PCCA: variants seen among roughly 807,000 people sequenced by gnomAD.
PCCA encodes the protein propionyl-CoA carboxylase alpha chain, mitochondrial.
In PCCA, 74 loss-of-function variants were observed where a neutral mutation model predicts 101.3. The observed-to-expected ratio is 0.73, with a 90% CI of 0.61 to 0.89. The LOEUF (loss-of-function observed/expected upper bound fraction) is 0.89. Among genes scored for constraint, PCCA ranks in the 40% least tolerant of loss-of-function variants. The pLI, the probability that PCCA is intolerant of heterozygous loss-of-function variation, is 0.00. For synonymous variants in PCCA, 294 were observed against 313.6 expected, an observed-to-expected ratio of 0.94 and a Z score of 0.66; for missense variants, 891 against 907.0, an observed-to-expected ratio of 0.98 and a Z score of 0.23.
intron 8 of PCCA, among the ~76,000 whole-genome samples, chr13:100,248,426 A>T (rs1173197602): frequency 6.6e-6 from 1 of 152,132 alleles, no homozygotes; most frequent in East Asian, 1.9e-4. Context: ...ACTTGGAGAC[A>T]TTCCTTCAGG....
chr13:100,149,618 A>G (rs1037078344), intron 4 of PCCA: 3 of 152,226 alleles, frequency 2.0e-5, no homozygotes, highest in Admixed American at 6.5e-5. Context: ...GAGTGCATCT[A>G]GTCCGTATTA....
At chr13:100,247,509 C>T (rs1225878859) in intron 8 of PCCA, among the ~76,000 whole-genome samples, 2 of 127,674 alleles carry the variant, frequency 1.6e-5, no homozygotes, top group Non-Finnish European at 3.2e-5. Flanking sequence ...AGCCACCGTG[C>T]CCGGCCTTTT....
intron 21 of PCCA, among the ~76,000 whole-genome samples, chr13:100,510,550 G>C (rs1050614610): frequency 1.3e-5 from 2 of 152,214 alleles, no homozygotes; most frequent in African/African-American, 4.8e-5. Context: ...CTGGGAGATT[G>C]AAGAAAATAG....
chr13:100,445,396 CAT>C (rs76612163), intron 20 of PCCA, among the ~76,000 whole-genome samples: 62,186 of 151,868 alleles, frequency 0.41, 13,120 homozygotes, highest in Non-Finnish European at 0.44. Context: ...AGCTAATTAA[CAT>C]ATATGTATTA....
intron 19 of PCCA, among the ~76,000 whole-genome samples, chr13:100,391,423 A>G (rs1413669600): frequency 1.3e-5 from 2 of 152,136 alleles, no homozygotes; most frequent in Non-Finnish European, 2.9e-5. Flanking sequence ...AGTACGTGGA[A>G]TGTTGTTGAG....
intron 2 of PCCA, among the ~76,000 whole-genome samples, chr13:100,103,684 G>GGAGTAT (rs2047489289): frequency 6.6e-6 from 1 of 151,778 alleles, no homozygotes; most frequent in Non-Finnish European, 1.5e-5. Flanking sequence ...TGCCCAGGCT[G>GGAGTAT]GAGTACAGTG....
chr13:100,206,029 C>T (rs145831548), intron 6 of PCCA, among the ~76,000 whole-genome samples: 41 of 152,220 alleles, frequency 2.7e-4, no homozygotes, highest in South Asian at 6.2e-4. Flanking sequence ...CTACTTCCTA[C>T]GTATGTGCTT....
chr13:100,515,532 G>A lies in PCCA; in HGVS notation c.2005G>A (p.Val669Met). 1 of 1,614,122 alleles carries A rather than the reference G, an allele frequency of 6.2e-7. No homozygotes were observed. The change falls in exon 22 of 24, where the codon GTG becomes ATG. Residue 669 changes from valine (V) to methionine (M), a missense_variant. Val to Met is a conservative substitution (Grantham distance 21). Transcript: ENST00000376285. ...SSVLRSPMPG[V>M]VVAVSVKPGD... is the part of the protein sequence containing the mutation. ...TGTTCTGCGTTCCCCGATGCCCGGAGTGGTGGTGGCCGTCTCTGTCAAGCC... is the reference window on the plus strand; with the variant it reads ...TGTTCTGCGTTCCCCGATGCCCGGAATGGTGGTGGCCGTCTCTGTCAAGCC...
chr13:100,194,522 A>G (rs1223602807), intron 6 of PCCA, among the ~76,000 whole-genome samples: 3 of 152,076 alleles, frequency 2.0e-5, no homozygotes, highest in African/African-American at 4.8e-5. Context: ...GGTTCAAGCA[A>G]TTCTCCTGCC....
At chr13:100,363,463 A>G (rs935495031) in intron 18 of PCCA, among the ~76,000 whole-genome samples, 1 of 151,902 alleles carries the variant, frequency 6.6e-6, no homozygotes, top group Non-Finnish European at 1.5e-5. Context: ...GAATACATCT[A>G]TGTGCTTGCA....
chr13:100,184,931 A>C (rs2057121774), intron 6 of PCCA, among the ~76,000 whole-genome samples: 1 of 152,180 alleles, frequency 6.6e-6, no homozygotes, highest in Non-Finnish European at 1.5e-5. Flanking sequence ...AAAATTCTTC[A>C]TTGTATTAAC....
chr13:100,515,974 A>G (rs145432419), intron 22 of PCCA, among the ~76,000 whole-genome samples: 58 of 152,370 alleles, frequency 3.8e-4, no homozygotes, highest in African/African-American at 1.4e-3. Context: ...TCTAATTGGG[A>G]AGAAGAGTTG....
At chr13:100,358,491 A>G (rs1035018136) in intron 18 of PCCA, among the ~76,000 whole-genome samples, 2 of 152,242 alleles carry the variant, frequency 1.3e-5, no homozygotes, top group Non-Finnish European at 2.9e-5. Context: ...AATGGGAACT[A>G]TCAGCATAGA....
intron 17 of PCCA, among the ~76,000 whole-genome samples, chr13:100,331,934 ATTTT>A (rs34411352): frequency 2.2e-5 from 2 of 89,764 alleles, no homozygotes; most frequent in East Asian, 3.3e-4. Context: ...ATTACTTTGG[ATTTT>A]TTTTTTTTTT....
chr13:100,336,031 G>A (rs535588015), intron 17 of PCCA, among the ~76,000 whole-genome samples: 1 of 152,310 alleles, frequency 6.6e-6, no homozygotes, highest in East Asian at 1.9e-4. Flanking sequence ...GGGAGGCCGA[G>A]TGGGGCGGAT....
At chr13:100,209,026 A>G (rs1370096405) in intron 6 of PCCA, among the ~76,000 whole-genome samples, 1 of 152,190 alleles carries the variant, frequency 6.6e-6, no homozygotes, top group Non-Finnish European at 1.5e-5. Context: ...CTTACTGGCT[A>G]GATTAGGTGG....
At chr13:100,221,893 A>T (rs1396426091) in intron 7 of PCCA, among the ~76,000 whole-genome samples, 1 of 151,836 alleles carries the variant, frequency 6.6e-6, no homozygotes. Context: ...ATGAACCACC[A>T]TGTCCAGCTA....
chr13:100,508,115 C>T (rs1260868545), intron 21 of PCCA, among the ~76,000 whole-genome samples: 1 of 152,108 alleles, frequency 6.6e-6, no homozygotes, highest in Non-Finnish European at 1.5e-5. Flanking sequence ...CCATATTCTT[C>T]CCTCCAGAGG....
At chr13:100,196,364 C>T (rs1180424761) in intron 6 of PCCA, among the ~76,000 whole-genome samples, 1 of 152,176 alleles carries the variant, frequency 6.6e-6, no homozygotes, top group African/African-American at 2.4e-5. Flanking sequence ...GTAATACTCA[C>T]TCCCCATCAG....
Sources: gnomAD v4.1 joint callset for allele counts (sites outside exome capture counted in the v4.1 genomes callset) on GRCh38, gnomAD v4.1.1 for gene constraint, MANE v1.5 for transcripts, NCBI Gene and HGNC (gene_info 2026-07-23, HGNC 2026-07-21) for gene names.